Variants in LRRC8E observed in about 807,000 individuals in gnomAD.
The protein encoded by LRRC8E is leucine rich repeat containing 8 VRAC subunit E.
In LRRC8E, 6 loss-of-function variants were observed where a neutral mutation model predicts 6.1. The observed-to-expected ratio is 0.98, with a 90% CI of 0.54 to 1.93. The LOEUF is 1.93. Among genes scored for constraint, LRRC8E ranks in the 30% most tolerant of loss-of-function variants. LRRC8E has a pLI of 0.01. For synonymous variants in LRRC8E, 485 were observed against 472.8 expected (o/e 1.03, Z -0.33); for missense variants, 1,028 against 1,031.4 (o/e 1.00, Z 0.04).
chr19:7,889,010 C>A (rs985769790), intron 1 of LRRC8E, among the ~76,000 whole-genome samples: 1 of 152,184 alleles, frequency 6.6e-6, no homozygotes. Flanking sequence ...CTTGAACTTA[C>A]ACATGTCCCA....
At chr19:7,898,204 C>CA (rs1432676532) in intron 2 of LRRC8E, among the ~76,000 whole-genome samples, 299 of 62,498 alleles carry the variant, frequency 4.8e-3, no homozygotes, top group African/African-American at 6.6e-3. Flanking sequence ...ACTCTTGTCT[C>CA]AAAAAAAAAA....
intron 2 of LRRC8E, among the ~76,000 whole-genome samples, chr19:7,896,198 C>T (rs531961209): frequency 2.0e-5 from 3 of 151,492 alleles, no homozygotes; most frequent in Admixed American, 1.3e-4. Context: ...CCTGGGCCTC[C>T]CAAAGTGTTG....
chr19:7,897,327 G>A (rs961682736), intron 2 of LRRC8E, among the ~76,000 whole-genome samples: 3 of 151,638 alleles, frequency 2.0e-5, no homozygotes, highest in African/African-American at 7.3e-5. Flanking sequence ...GTGCCACCAC[G>A]CCCGGCTAAT....
rs1982041625 is a variant in LRRC8E at position 7,901,846 on chromosome 19, C to T, written c.*933C>T. 6.6e-6 allele frequency: 1 copy of T among 152,286 alleles called. No homozygotes were observed. The highest frequency in any genetic ancestry group is 2.4e-5 in the African/African-American group (1 of 41,546). The allele number at this position is 152,286 out of a possible 1,614,324, so 9.4% of individuals were successfully genotyped here. ...TGCTGGTGTACAAATACACACAAAGCTCTTCAGGCAGCTGATAGATTTCCC... is the reference window on the plus strand; with the variant it reads ...TGCTGGTGTACAAATACACACAAAGTTCTTCAGGCAGCTGATAGATTTCCC... On this transcript the variant is annotated 3_prime_UTR_variant, in exon 3 of 3. Coordinates refer to ENST00000306708, the MANE Select transcript of LRRC8E (RefSeq NM_025061.6).
rs1311395956 is a variant in LRRC8E at position 7,898,605 on chromosome 19, C to G, written c.139-56C>G. ...AACTCCTGACCTAAAGTGATCCACTCGCCTTGGCCTCCCAAAGTGCTAGGA... is the reference window on the plus strand; with the variant it reads ...AACTCCTGACCTAAAGTGATCCACTGGCCTTGGCCTCCCAAAGTGCTAGGA... On this transcript the variant is annotated intron_variant, in intron 2 of 2. Transcript: ENST00000306708. 9 of 1,476,108 alleles carry G rather than the reference C, an allele frequency of 6.1e-6. No homozygotes were observed. The African/African-American group carries it at 7.0e-5, about 12-fold the overall frequency. 91.4% of individuals were successfully genotyped at this position (1,476,108 alleles called of 1,614,324 possible). A position where few individuals can be genotyped will look rare whatever the true frequency, so the allele number is the denominator to read the frequency against.
In LRRC8E at chr19:7,900,551, G is replaced by C. The variant is rs1981939565; in HGVS notation, c.2029G>C (p.Gly677Arg). Reference protein sequence around the residue: ...TLPSQLGLCSGLRLLDVSHNG... With the variant: ...TLPSQLGLCSRLRLLDVSHNG... ...GCCCTCCCAGCTCGGCCTGTGCTCA[G>C]GCCTCCGTCTGCTGGATGTGTCCCA... Residue 677 changes from glycine (G) to arginine (R), a missense_variant, in exon 3 of 3, where the codon GGC (glycine) becomes CGC (arginine). By Grantham distance (125) the Gly-to-Arg change is moderately radical. Transcript: ENST00000306708. The surrounding 1 kb of genome is among the most constrained non-coding windows in gnomAD (Gnocchi z 5.0). 4 of 1,613,014 alleles carry C rather than the reference G, an allele frequency of 2.5e-6. No individual in the cohort carries two copies. The highest frequency in any genetic ancestry group is 1.7e-6 in the Non-Finnish European group (2 of 1,180,040).
chr19:7,901,634 T>G lies in LRRC8E; in HGVS notation c.*721T>G, dbSNP rs1057376697. 1 of 151,568 alleles carries G rather than the reference T, an allele frequency of 6.6e-6. No homozygotes were observed. Among genetic ancestry groups the G allele is most frequent in the Non-Finnish European group, 1.5e-5 (1 of 67,992 alleles). The allele number at this position is 151,568 out of a possible 1,614,324, so 9.4% of individuals were successfully genotyped here. A position where few individuals can be genotyped will look rare whatever the true frequency, so the allele number is the denominator to read the frequency against. ...GGCTCATGACTATAATCCCAGCTGTTTGAGAGGCCAATGCAGGAGGATGGT... is the reference window on the plus strand; with the variant it reads ...GGCTCATGACTATAATCCCAGCTGTGTGAGAGGCCAATGCAGGAGGATGGT... On this transcript the variant is annotated 3_prime_UTR_variant, in exon 3 of 3. Coordinates refer to ENST00000306708, the MANE Select transcript of LRRC8E (RefSeq NM_025061.6).
At chr19:7,891,721 C>G (rs965116161) in intron 1 of LRRC8E, among the ~76,000 whole-genome samples, 3 of 152,080 alleles carry the variant, frequency 2.0e-5, no homozygotes, top group Middle Eastern at 3.2e-3. Context: ...ATTCTCCTGC[C>G]TCACTCTCCT....
Position 7,901,026 on chromosome 19 carries a change from G to T in LRRC8E, c.*113G>T, listed in dbSNP as rs900105532. The T allele has an allele frequency of 4.3e-5, 28 of 646,922 alleles. 5 individuals carry two copies. The highest frequency in any genetic ancestry group is 6.8e-5 in the Admixed American group (2 of 29,318). The allele number at this position is 646,922 out of a possible 1,614,324, so 40.1% of individuals were successfully genotyped here. On this transcript the variant is annotated 3_prime_UTR_variant, in exon 3 of 3. Coordinates refer to ENST00000306708, the MANE Select transcript of LRRC8E (RefSeq NM_025061.6). ...TGGGTCCAGGCCAGGAGATGGGGGG[G>T]GCGGGGGCAGCTGTGTCATCTTTCT... is the stretch of plus-strand genomic sequence containing the variant.
rs1402236119 is a variant in LRRC8E at position 7,899,629 on chromosome 19, C to T, written c.1107C>T (p.Leu369=). 1.1e-5 allele frequency: 17 copies of T among 1,613,792 alleles called. No homozygotes were observed. Among genetic ancestry groups the T allele is most frequent in the Non-Finnish European group, 1.4e-5 (16 of 1,180,038 alleles). The change falls in exon 3 of 3, where the codon CTC becomes CTT. Residue 369 remains leucine (L), a synonymous_variant. Transcript: ENST00000306708. ...VKNDFAFMLH[L]IDQYDSLYSK... The stretch of plus-strand genomic sequence containing the variant: ...ATGACTTCGCCTTCATGCTGCACCT[C>T]ATCGATCAGTACGACTCCCTCTACT...
At chr19:7,892,863 C>T (rs1024553743) in intron 1 of LRRC8E, among the ~76,000 whole-genome samples, 1 of 152,090 alleles carries the variant, frequency 6.6e-6, no homozygotes, top group African/African-American at 2.4e-5. Context: ...CTTGCTCTGT[C>T]GCCCAGGCTG....
In LRRC8E at chr19:7,898,704, A is replaced by G; in HGVS notation, c.182A>G (p.Gln61Arg). The G allele has an allele frequency of 1.2e-6, 2 of 1,613,454 alleles. No individual in the cohort carries two copies. Among genetic ancestry groups the G allele is most frequent in the Non-Finnish European group, 1.7e-6 (2 of 1,179,636 alleles). Residue 61 changes from glutamine to arginine, a missense_variant, in exon 3 of 3, where the codon CAG becomes CGG. Coordinates refer to ENST00000306708, the MANE Select transcript of LRRC8E (RefSeq NM_025061.6). ...ATCTGTCTACCCAATCATGAGCTCCAGGAGAACTTATCAGAGGCCCCGTGC... is the reference window on the plus strand; with the variant it reads ...ATCTGTCTACCCAATCATGAGCTCCGGGAGAACTTATCAGAGGCCCCGTGC... ...KIICLPNHELQENLSEAPCQQ... is the reference protein window; with the variant it reads ...KIICLPNHELRENLSEAPCQQ...
intron 2 of LRRC8E, among the ~76,000 whole-genome samples, chr19:7,896,021 T>C (rs1981570248): frequency 6.6e-6 from 1 of 152,090 alleles, no homozygotes; most frequent in African/African-American, 2.4e-5. Context: ...CCCTGCAACA[T>C]CTGCCTCCCG....
intron 1 of LRRC8E, among the ~76,000 whole-genome samples, chr19:7,891,547 T>TGTTTG (rs1568262044): frequency 1.1e-5 from 1 of 91,586 alleles, no homozygotes; most frequent in African/African-American, 5.6e-5. Flanking sequence ...GTGTGTGTGT[T>TGTTTG]TGTGTGTGTG....
rs144218876 is a variant in LRRC8E, at chr19:7,900,059, C to T, written c.1537C>T (p.His513Tyr). 17 of 1,611,280 alleles carry T rather than the reference C, an allele frequency of 1.1e-5. No individual in the cohort carries two copies. The African/African-American group carries it at 1.7e-4, about 16-fold the overall frequency. Residue 513 changes from histidine to tyrosine, a missense_variant, in exon 3 of 3, where the codon CAC becomes TAC. By Grantham distance (83) the His-to-Tyr change is moderately conservative. Coordinates refer to ENST00000306708, the MANE Select transcript of LRRC8E (RefSeq NM_025061.6). This position sits in a 1 kb window ranked among gnomAD's most constrained non-coding sequence, Gnocchi z 5.0. Reference sequence around the variant, plus strand: ...TGGGCTGCGGGGCTTGGAGGAGCTGCACCTGGAGGGGCTTTTCCCCCAGGA... The same window carrying T: ...TGGGCTGCGGGGCTTGGAGGAGCTGTACCTGGAGGGGCTTTTCCCCCAGGA... ...VFGLRGLEEL[H>Y]LEGLFPQELA...
chr19:7,896,787 G>A (rs1981619601), intron 2 of LRRC8E, among the ~76,000 whole-genome samples: 1 of 151,822 alleles, frequency 6.6e-6, no homozygotes, highest in Non-Finnish European at 1.5e-5. Flanking sequence ...TGACACAGGG[G>A]TCTTGCTATG....
chr19:7,895,796 G>C lies in LRRC8E; in HGVS notation c.138+55G>C. On this transcript the variant is annotated intron_variant, in intron 2 of 2. Coordinates refer to ENST00000306708, the MANE Select transcript of LRRC8E (RefSeq NM_025061.6). This position sits in a 1 kb window ranked among gnomAD's most constrained non-coding sequence, Gnocchi z 4.7. ...ACCAGAGGGGCGGGGCAGGTGTCTG[G>C]GGAAGTCGGGAAGCCTTCTCATCAC... 8 of 1,588,208 alleles carry C rather than the reference G, an allele frequency of 5.0e-6. No homozygotes were observed. The highest frequency in any genetic ancestry group is 6.9e-6 in the Non-Finnish European group (8 of 1,160,568).
At chr19:7,896,124 G>C (rs1344650338) in intron 2 of LRRC8E, among the ~76,000 whole-genome samples, 1 of 151,900 alleles carries the variant, frequency 6.6e-6, no homozygotes, top group African/African-American at 2.4e-5. Flanking sequence ...TTTTTTAGTA[G>C]AGATGGGGTT....
chr19:7,895,846 CAG>C lies in LRRC8E; in HGVS notation c.138+108_138+109del, dbSNP rs1981560018. ...CCCAAGAAAGAGAGGAAACTGAAGACAGAGCCCCACTCAAAGGCCAATCCAGA... is the reference window on the plus strand; with the variant it reads ...CCCAAGAAAGAGAGGAAACTGAAGACAGCCCCACTCAAAGGCCAATCCAGA... On this transcript the variant is annotated intron_variant, in intron 2 of 2. Transcript: ENST00000306708. This position sits in a 1 kb window ranked among gnomAD's most constrained non-coding sequence, Gnocchi z 4.7. 1 of 1,448,410 alleles carries C rather than the reference CAG, an allele frequency of 6.9e-7. No homozygotes were observed. The highest frequency in any genetic ancestry group is 9.4e-7 in the Non-Finnish European group (1 of 1,065,754). 89.7% of individuals were successfully genotyped at this position (1,448,410 alleles called of 1,614,324 possible).
Sources: gnomAD v4.1 joint callset for allele counts (sites outside exome capture counted in the v4.1 genomes callset) on GRCh38, gnomAD v4.1.1 for gene constraint, Gnocchi (gnomAD v3.1) non-coding constraint, MANE v1.5 for transcripts, NCBI Gene and HGNC (gene_info 2026-07-23, HGNC 2026-07-21) for gene names.